The following RABGAP1L variants were observed in gnomAD, a reference collection of about 807,000 sequenced individuals.
RABGAP1L encodes the protein rab GTPase-activating protein 1-like.
In RABGAP1L, 63 loss-of-function variants were observed where a neutral mutation model predicts 137.7. The observed-to-expected ratio is 0.46, with a 90% CI of 0.37 to 0.56. RABGAP1L has a LOEUF of 0.56. Among genes scored for constraint, RABGAP1L ranks in the 20% least tolerant of loss-of-function variants. RABGAP1L has a pLI of 0.00. For missense variants in RABGAP1L, 1,095 were observed against 1,244.0 expected, an observed-to-expected ratio of 0.88 and a Z score of 1.80; for synonymous variants, 431 against 433.7, an observed-to-expected ratio of 0.99 and a Z score of 0.08.
At chr1:174,686,162 A>G (rs542269396) in intron 15 of RABGAP1L, among the ~76,000 whole-genome samples, 1 of 152,328 alleles carries the variant, frequency 6.6e-6, no homozygotes, top group East Asian at 1.9e-4. Flanking sequence ...CAAGTTTAAA[A>G]GGACAGCATT....
chr1:174,649,883 G>A (rs928219093), intron 14 of RABGAP1L, among the ~76,000 whole-genome samples: 3 of 152,106 alleles, frequency 2.0e-5, no homozygotes, highest in African/African-American at 7.2e-5. Flanking sequence ...GAATAGGAGT[G>A]GTGAGAGAGG....
intron 19 of RABGAP1L, among the ~76,000 whole-genome samples, chr1:174,946,913 A>ATAT (rs1386058220): frequency 1.9e-4 from 10 of 51,618 alleles, no homozygotes; most frequent in South Asian, 6.3e-4. Context: ...AAAAAAAAAA[A>ATAT]AAAAATATAT....
chr1:174,747,414 A>C (rs988368936), intron 17 of RABGAP1L, among the ~76,000 whole-genome samples: 4 of 151,694 alleles, frequency 2.6e-5, no homozygotes, highest in East Asian at 1.9e-4. Context: ...AAAAAAAAAA[A>C]AAAAAAAAAA....
intron 23 of RABGAP1L, among the ~76,000 whole-genome samples, chr1:174,979,617 G>T (rs1478845108): frequency 6.6e-6 from 1 of 152,174 alleles, no homozygotes; most frequent in African/African-American, 2.4e-5. Context: ...AATGTGGTAG[G>T]CACTCTTTTT....
chr1:174,632,924 C>T (rs1168123283), intron 13 of RABGAP1L, among the ~76,000 whole-genome samples: 166 of 152,068 alleles, frequency 1.1e-3, no homozygotes, highest in East Asian at 3.3e-3. Context: ...GGCTTTGTTC[C>T]GTTGCTGGTG....
At chr1:174,375,765 T>A (rs1028816133) in intron 12 of RABGAP1L, among the ~76,000 whole-genome samples, 1 of 151,952 alleles carries the variant, frequency 6.6e-6, no homozygotes, top group Non-Finnish European at 1.5e-5. Context: ...TACCAAATAT[T>A]TAAGAAAAAA....
chr1:174,980,526 TAAA>T (rs1037971187), intron 23 of RABGAP1L, among the ~76,000 whole-genome samples: 1 of 152,044 alleles, frequency 6.6e-6, no homozygotes, highest in Non-Finnish European at 1.5e-5. Flanking sequence ...ATAAAGAAGA[TAAA>T]GAAGAGGATG....
At chr1:174,180,743 A>G (rs1666285616) in intron 1 of RABGAP1L, among the ~76,000 whole-genome samples, 1 of 152,238 alleles carries the variant, frequency 6.6e-6, no homozygotes, top group East Asian at 1.9e-4. Flanking sequence ...CTAGGATTAC[A>G]GGCATGAGCC....
At chr1:174,607,842 TA>T (rs2148195767) in intron 13 of RABGAP1L, among the ~76,000 whole-genome samples, 1 of 152,364 alleles carries the variant, frequency 6.6e-6, no homozygotes, top group African/African-American at 2.4e-5. Context: ...GAAACCTGTG[TA>T]AAAGCTTCTT....
At chr1:174,279,282 T>TA (rs535806620) in intron 10 of RABGAP1L, among the ~76,000 whole-genome samples, 13 of 152,186 alleles carry the variant, frequency 8.5e-5, no homozygotes, top group Non-Finnish European at 1.5e-4. Context: ...GTTTCTATGA[T>TA]ATCCTCAAAT....
At chr1:174,675,157 T>C (rs1384064612) in intron 14 of RABGAP1L, among the ~76,000 whole-genome samples, 2 of 152,200 alleles carry the variant, frequency 1.3e-5, no homozygotes, top group Non-Finnish European at 2.9e-5. Context: ...ACATGAAGTC[T>C]TTGCCCATGC....
chr1:174,559,000 G>C (rs542256167), intron 13 of RABGAP1L, among the ~76,000 whole-genome samples: 86 of 152,298 alleles, frequency 5.6e-4, no homozygotes, highest in African/African-American at 1.9e-3. Context: ...TTTATTGTCA[G>C]AGTAAGTTAA....
chr1:174,860,650 G>C (rs1316348780), intron 19 of RABGAP1L, among the ~76,000 whole-genome samples: 3 of 151,762 alleles, frequency 2.0e-5, no homozygotes, highest in African/African-American at 4.8e-5. Context: ...GGTTTCCATT[G>C]TTATACCCAG....
intron 15 of RABGAP1L, among the ~76,000 whole-genome samples, chr1:174,689,420 CAT>C (rs997465657): frequency 4.5e-4 from 69 of 152,094 alleles, no homozygotes; most frequent in African/African-American, 1.6e-3. Flanking sequence ...AGAATTGACT[CAT>C]ATAACTGGGA....
intron 13 of RABGAP1L, among the ~76,000 whole-genome samples, chr1:174,544,568 G>A (rs928006261): frequency 4.6e-5 from 7 of 152,136 alleles, no homozygotes; most frequent in South Asian, 2.1e-4. Context: ...GGATAAGTTC[G>A]TTATTACTGA....
chr1:174,175,504 T>A (rs1665763723), intron 1 of RABGAP1L, among the ~76,000 whole-genome samples: 1 of 151,602 alleles, frequency 6.6e-6, no homozygotes, highest in Non-Finnish European at 1.5e-5. Context: ...TTTTTTTTTT[T>A]TTTGAGACAG....
intron 17 of RABGAP1L, among the ~76,000 whole-genome samples, chr1:174,715,766 A>G (rs114517699): frequency 0.028 from 4,324 of 152,238 alleles, 68 homozygotes; most frequent in Middle Eastern, 0.092. Flanking sequence ...TCAATTCCCA[A>G]TATCATTTTG....
At chr1:174,813,251 A>G (rs1330865721) in intron 19 of RABGAP1L, among the ~76,000 whole-genome samples, 1 of 152,100 alleles carries the variant, frequency 6.6e-6, no homozygotes, top group African/African-American at 2.4e-5. Flanking sequence ...AACAGTGGAG[A>G]TAGAGATGGA....
At chr1:174,290,818 A>G (rs550710325) in intron 10 of RABGAP1L, among the ~76,000 whole-genome samples, 88 of 151,302 alleles carry the variant, frequency 5.8e-4, no homozygotes, top group Non-Finnish European at 9.7e-4. Context: ...CTGAAGTGCA[A>G]TGGCGAGATC....
Sources: allele counts gnomAD v4.1 joint callset (sites outside exome capture counted in the v4.1 genomes callset), GRCh38; gene constraint gnomAD v4.1.1; transcripts MANE v1.5; gene names NCBI Gene and HGNC (gene_info 2026-07-23, HGNC 2026-07-21).